The following RBFOX1 variants were observed in gnomAD, a reference collection of about 807,000 sequenced individuals.
RBFOX1 encodes RNA binding protein fox-1 homolog 1.
A neutral mutation model predicts 57.7 loss-of-function variants in RBFOX1; 8 were observed. The observed-to-expected ratio is 0.14, with a 90% CI of 0.08 to 0.25. The LOEUF is 0.25. RBFOX1 is among the 10% of genes least tolerant of loss of function. RBFOX1 has a pLI of 1.00. For synonymous variants in RBFOX1, 326 were observed against 222.4 expected (o/e 1.47, Z -4.15); for missense variants, 611 against 548.5 (o/e 1.11, Z -1.14).
At chr16:6,903,845 T>TA (rs1486297794) in intron 3 of RBFOX1, among the ~76,000 whole-genome samples, 2 of 152,116 alleles carry the variant, frequency 1.3e-5, no homozygotes, top group Non-Finnish European at 2.9e-5. Context: ...GTAAAGGGAA[T>TA]GCACGTCATT....
intron 2 of RBFOX1, among the ~76,000 whole-genome samples, chr16:6,557,088 CATATACATATATACATACAT>C (rs1381366293): frequency 1.2e-4 from 17 of 140,016 alleles, no homozygotes; most frequent in South Asian, 2.2e-4. Context: ...TATATACATA[CATATACATATATACATACAT>C]ATATACATAT....
Position 5,582,572 on chromosome 16 carries a change from T to TTTTTTTTTTTTTTTTTTTTTG in RBFOX1, c.259-16330_259-16329insTTTTTTTTTTTTTTTTTTTTG. 1.9e-5 allele frequency among the ~76,000 whole-genome samples: 2 copies of TTTTTTTTTTTTTTTTTTTTTG among 106,058 alleles called. 1 individual carries two copies. The allele number at this position is 106,058 out of a possible 152,430, so 69.6% of individuals were successfully genotyped here. ...CTTTTTTTTTTTTTTTTTTTTTTTTTAAACGGAGTCTTTGTTGCCCAGGCT... is the reference window on the plus strand; with the variant it reads ...CTTTTTTTTTTTTTTTTTTTTTTTTTTTTTTTTTTTTTTTTTTTTTGAAACGGAGTCTTTGTTGCCCAGGCT... On this transcript the variant is annotated intron_variant, in intron 2 of 2. Coordinates refer to the RBFOX1 transcript ENST00000585867.
chr16:5,717,294 A>G (rs908810133), intron 3 of RBFOX1, among the ~76,000 whole-genome samples: 1 of 151,870 alleles, frequency 6.6e-6, no homozygotes, highest in Non-Finnish European at 1.5e-5. Flanking sequence ...TTCCACTTCC[A>G]CTTTTACTTG....
At chr16:5,797,378 T>C (rs13337005) in intron 3 of RBFOX1, among the ~76,000 whole-genome samples, 5,521 of 152,270 alleles carry the variant, frequency 0.036, 326 homozygotes, top group African/African-American at 0.12. Flanking sequence ...TCTTGGAACA[T>C]CTCCATTGGG....
intron 3 of RBFOX1, among the ~76,000 whole-genome samples, chr16:6,807,134 T>C (rs756387459): frequency 5.2e-4 from 79 of 151,814 alleles, no homozygotes; most frequent in Admixed American, 1.9e-3. Context: ...GTGCCCAGCC[T>C]CTTTTTTTCC....
intron 3 of RBFOX1, among the ~76,000 whole-genome samples, chr16:5,773,579 A>C (rs916930752): frequency 2.6e-5 from 4 of 152,208 alleles, no homozygotes; most frequent in Non-Finnish European, 5.9e-5. Context: ...TATTTTTCCC[A>C]TTCTGAACAG....
At chr16:6,375,137 A>C (rs890724851) in intron 2 of RBFOX1, among the ~76,000 whole-genome samples, 2 of 152,080 alleles carry the variant, frequency 1.3e-5, no homozygotes, top group African/African-American at 4.8e-5. Flanking sequence ...TTAGGGGAGG[A>C]GGTGTTTTGT....
intron 4 of RBFOX1, among the ~76,000 whole-genome samples, chr16:7,434,436 C>T (rs1187442653): frequency 6.6e-6 from 1 of 151,898 alleles, no homozygotes; most frequent in African/African-American, 2.4e-5. Context: ...AGCACCACTG[C>T]ACTCCAGCCC....
intron 1 of RBFOX1, among the ~76,000 whole-genome samples, chr16:5,415,333 C>G (rs1017096238): frequency 7.2e-5 from 11 of 152,172 alleles, no homozygotes; most frequent in Non-Finnish European, 1.3e-4. Flanking sequence ...CTGGTGAGAA[C>G]TCCCTTGCTA....
chr16:6,412,031 C>T (rs990862897), intron 2 of RBFOX1, among the ~76,000 whole-genome samples: 1 of 151,556 alleles, frequency 6.6e-6, no homozygotes, highest in Non-Finnish European at 1.5e-5. Context: ...ACTCAGGAGG[C>T]TGAGGCAGGA....
intron 3 of RBFOX1, among the ~76,000 whole-genome samples, chr16:6,829,263 G>C (rs894003150): frequency 1.3e-5 from 2 of 149,590 alleles, no homozygotes; most frequent in African/African-American, 2.5e-5. Flanking sequence ...AAAAAAAATA[G>C]CATAAAAGGA....
chr16:6,576,374 A>T (rs2097436373), intron 2 of RBFOX1, among the ~76,000 whole-genome samples: 1 of 152,186 alleles, frequency 6.6e-6, no homozygotes, highest in Non-Finnish European at 1.5e-5. Flanking sequence ...GAGAAAACCT[A>T]CGCAGACATG....
intron 1 of RBFOX1, among the ~76,000 whole-genome samples, chr16:6,159,702 T>C (rs887933857): frequency 6.6e-6 from 1 of 152,236 alleles, no homozygotes; most frequent in Non-Finnish European, 1.5e-5. Flanking sequence ...GAATGTGCTC[T>C]TAACCTCATT....
intron 3 of RBFOX1, among the ~76,000 whole-genome samples, chr16:7,029,079 T>TATATATATATAC (rs1555788217): frequency 2.7e-5 from 1 of 37,008 alleles, no homozygotes; most frequent in African/African-American, 3.3e-4. Flanking sequence ...TATATATATA[T>TATATATATATAC]ATACACACAC....
intron 1 of RBFOX1, among the ~76,000 whole-genome samples, chr16:6,276,146 GC>G (rs2152686856): frequency 6.6e-6 from 1 of 151,934 alleles, no homozygotes; most frequent in East Asian, 1.9e-4. Context: ...CTTTTTTCCT[GC>G]AGTGAAGAAA....
intron 2 of RBFOX1, among the ~76,000 whole-genome samples, chr16:6,447,096 C>A (rs571835050): frequency 6.6e-6 from 1 of 152,188 alleles, no homozygotes; most frequent in Non-Finnish European, 1.5e-5. Context: ...AAACCGCACA[C>A]CAGATTGCGA....
chr16:6,756,929 C>T (rs140355991), intron 3 of RBFOX1, among the ~76,000 whole-genome samples: 1 of 151,906 alleles, frequency 6.6e-6, no homozygotes, highest in Non-Finnish European at 1.5e-5. Context: ...GAGCTGAGAT[C>T]GTGCCATTGC....
intron 1 of RBFOX1, among the ~76,000 whole-genome samples, chr16:5,244,746 C>T (rs1195752025): frequency 6.6e-6 from 1 of 152,214 alleles, no homozygotes; most frequent in African/African-American, 2.4e-5. Flanking sequence ...TCTCGCATCC[C>T]CCTTTGGCCG....
chr16:7,573,894 T>A (rs1247564990), intron 5 of RBFOX1, among the ~76,000 whole-genome samples: 1 of 152,018 alleles, frequency 6.6e-6, no homozygotes, highest in East Asian at 1.9e-4. Flanking sequence ...CCCACTAAGC[T>A]TTGATGTGCT....
Sources: allele counts gnomAD v4.1 joint callset (sites outside exome capture counted in the v4.1 genomes callset), GRCh38; gene constraint gnomAD v4.1.1; transcripts MANE v1.5; gene names NCBI Gene and HGNC (gene_info 2026-07-23, HGNC 2026-07-21).